CALR: variants seen among roughly 807,000 people sequenced by gnomAD.
CALR encodes the protein CRP55.
A neutral mutation model predicts 51.1 loss-of-function variants in CALR; 15 were observed. That is an observed-to-expected ratio of 0.29 (90% CI 0.20 to 0.45). The LOEUF (loss-of-function observed/expected upper bound fraction) is 0.45. CALR is among the 20% of genes least tolerant of loss of function. The probability of loss-of-function intolerance (pLI) is 1.00; values close to 1 mark genes in which losing one functional copy is unlikely to be tolerated. For synonymous variants in CALR, 239 were observed against 205.9 expected (o/e 1.16, Z -1.38); for missense variants, 477 against 530.6 (o/e 0.90, Z 0.99).
intron 5 of CALR, 25 bp downstream of exon 5, chr19:12,940,477 C>A: frequency 1.2e-6 from 2 of 1,613,380 alleles, no homozygotes; most frequent in Non-Finnish European, 1.7e-6. Context: ...AGGGGCTCTG[C>A]TCTCCACATT....
rs1971595639 is a variant in CALR, at chr19:12,944,202, C to T, written c.*289C>T. 2 of 516,040 alleles carry T rather than the reference C, an allele frequency of 3.9e-6. No individual in the cohort carries two copies. The highest frequency in any genetic ancestry group is 6.9e-6 in the Non-Finnish European group (2 of 289,054). The allele number at this position is 516,040 out of a possible 1,614,324, so 32.0% of individuals were successfully genotyped here. Reference sequence around the variant, plus strand: ...TTTTCTTGCCTCTGTCCCCTTCTCTCATCTCTTAGCTCCCCTCCAACCTGG... The same window carrying T: ...TTTTCTTGCCTCTGTCCCCTTCTCTTATCTCTTAGCTCCCCTCCAACCTGG... On this transcript the variant is annotated 3_prime_UTR_variant, in exon 9 of 9. Coordinates refer to ENST00000316448, the MANE Select transcript of CALR (RefSeq NM_004343.4).
At chr19:12,939,702 C>T (rs745599347) in intron 3 of CALR, 71 bp downstream of exon 3, 9 of 1,347,092 alleles carry the variant, frequency 6.7e-6, no homozygotes, top group East Asian at 2.3e-5. Flanking sequence ...CATTGACTTT[C>T]TTAATAATGA....
intron 7 of CALR, 34 bp from the exon 8 acceptor site, chr19:12,943,503 T>C: frequency 6.3e-7 from 1 of 1,590,318 alleles, no homozygotes; most frequent in South Asian, 1.1e-5. Context: ...CTATCGGGTA[T>C]CACCTCTGAC....
chr19:12,939,882 A>C (rs1427794704), intron 3 of CALR, among the ~76,000 whole-genome samples, 171 bp from the exon 4 acceptor site: 1 of 151,842 alleles, frequency 6.6e-6, no homozygotes, highest in Non-Finnish European at 1.5e-5. Context: ...TTCTCCTTTA[A>C]ACTTAAGGCT....
intron 7 of CALR, among the ~76,000 whole-genome samples, chr19:12,942,191 A>T (rs201584817): frequency 6.6e-6 from 1 of 151,794 alleles, no homozygotes; most frequent in Non-Finnish European, 1.5e-5. Flanking sequence ...ATGAAACCCC[A>T]TCTCTAGTAA....
Position 12,939,436 on chromosome 19 carries a change from A to G in CALR, c.202A>G (p.Thr68Ala). 6.2e-7 allele frequency: 1 copy of G among 1,612,340 alleles called. No homozygotes were observed. Among genetic ancestry groups the G allele is most frequent in the Non-Finnish European group, 8.5e-7 (1 of 1,180,014 alleles). ...CTACCGTCCCGTCTCAGGTTTGCAG[A>G]CAAGCCAGGATGCACGCTTTTATGC... is the stretch of plus-strand genomic sequence containing the variant. ...GDEEKDKGLQ[T>A]SQDARFYALS... Residue 68 changes from threonine to alanine, a missense_variant, in exon 3 of 9, where the codon ACA (threonine) becomes GCA (alanine). Thr to Ala is a moderately conservative substitution (Grantham distance 58). Transcript: ENST00000316448.
chr19:12,943,891 G>T lies in CALR; in HGVS notation c.1232G>T (p.Gly411Val). ...GAAGATGAGGAGGAAGATGTCCCCG[G>T]CCAGGCCAAGGACGAGCTGTAGAGA... ...KEEDEEEDVP[G>V]QAKDEL Residue 411 changes from glycine (G) to valine (V), a missense_variant, in exon 9 of 9, where the codon GGC becomes GTC. Gly to Val is a moderately radical substitution (Grantham distance 109). Transcript: ENST00000316448. 1 of 1,596,790 alleles carries T rather than the reference G, an allele frequency of 6.3e-7. No individual in the cohort carries two copies. Among genetic ancestry groups the T allele is most frequent in the Non-Finnish European group, 8.5e-7 (1 of 1,172,604 alleles).
At chr19:12,941,694 A>T (rs1971549633) in intron 7 of CALR, among the ~76,000 whole-genome samples, 1 of 151,210 alleles carries the variant, frequency 6.6e-6, no homozygotes. Flanking sequence ...CGTGTTAGCC[A>T]GGATGGTCTC....
At chr19:12,941,476 T>C (rs946655084) in intron 7 of CALR, among the ~76,000 whole-genome samples, 2 of 144,726 alleles carry the variant, frequency 1.4e-5, no homozygotes, top group African/African-American at 5.2e-5. Context: ...ATTTTTTTTT[T>C]TTTTTTTTTT....
At position 12,943,980 on chromosome 19, in the gene CALR, A is replaced by T. The variant is rs1415504615; in HGVS notation, c.*67A>T. 2.5e-5 allele frequency: 40 copies of T among 1,590,900 alleles called. 1 individual carries two copies. The highest frequency in any genetic ancestry group is 3.4e-5 in the Non-Finnish European group (40 of 1,169,752). ...TGCCGCAGAGCTGGCCGCGCCAAAT[A>T]ATGTCTCTGTGAGACTCGAGAACTT... is the stretch of plus-strand genomic sequence containing the variant. On this transcript the variant is annotated 3_prime_UTR_variant, in exon 9 of 9. Transcript: ENST00000316448.
chr19:12,939,381 C>T (rs990179903), intron 2 of CALR, 47 bp from the exon 3 acceptor site: 1 of 1,591,804 alleles, frequency 6.3e-7, no homozygotes, highest in Admixed American at 1.7e-5. Context: ...GTCGAGGGTC[C>T]TCGCGAGTCA....
chr19:12,939,974 C>T, intron 3 of CALR, 79 bp from the exon 4 acceptor site: 1 of 1,042,000 alleles, frequency 9.6e-7, no homozygotes, highest in Non-Finnish European at 1.5e-6. Flanking sequence ...AGAACCAGGT[C>T]TTCCTTTTAT....
chr19:12,942,927 A>AT (rs925511191), intron 7 of CALR, among the ~76,000 whole-genome samples: 3 of 150,960 alleles, frequency 2.0e-5, no homozygotes, highest in Non-Finnish European at 4.4e-5. Flanking sequence ...CCCCGGGCTA[A>AT]TTTTTTTTAG....
Position 12,943,750 on chromosome 19 carries a change from A to G in CALR, c.1091A>G (p.Glu364Gly). ...EKQMKDKQDE[E>G]QRLKEEEEDK... is the part of the protein sequence containing the mutation. ...CAAATGAAGGACAAACAGGACGAGGAGCAGAGGCTTAAGGAGGAGGAAGAA... is the reference window on the plus strand; with the variant it reads ...CAAATGAAGGACAAACAGGACGAGGGGCAGAGGCTTAAGGAGGAGGAAGAA... The change falls in exon 9 of 9, where the codon GAG (glutamate) becomes GGG (glycine). Residue 364 changes from glutamate (E) to glycine (G), a missense_variant. Glu to Gly is a moderately conservative substitution (Grantham distance 98). Transcript: ENST00000316448. 1 of 1,612,556 alleles carries G rather than the reference A, an allele frequency of 6.2e-7. No homozygotes were observed. Among genetic ancestry groups the G allele is most frequent in the Non-Finnish European group, 8.5e-7 (1 of 1,179,218 alleles).
rs200105930 is a variant in CALR at position 12,939,620 on chromosome 19, A to T, written c.386A>T (p.Asn129Ile). Residue 129 changes from asparagine to isoleucine, a missense_variant, in exon 3 of 9, where the codon AAC becomes ATC. By Grantham distance (149) the Asn-to-Ile change is moderately radical. Transcript: ENST00000316448. ...QTDMHGDSEY[N>I]IMFGPDICGP... ...GACATGCACGGAGACTCAGAATACA[A>T]CATCATGTTTGGTGAGGGCCTGCTT... The T allele has an allele frequency of 1.4e-5, 22 of 1,613,708 alleles. No individual in the cohort carries two copies. Among genetic ancestry groups the T allele is most frequent in the Non-Finnish European group, 1.9e-5 (22 of 1,179,798 alleles).
Position 12,944,222 on chromosome 19 carries a change from A to C in CALR, c.*309A>C. The C allele has an allele frequency of 2.1e-6, 1 of 478,018 alleles. No individual in the cohort carries two copies. The highest frequency in any genetic ancestry group is 3.8e-6 in the Non-Finnish European group (1 of 263,040). The allele number at this position is 478,018 out of a possible 1,614,324, so 29.6% of individuals were successfully genotyped here. On this transcript the variant is annotated 3_prime_UTR_variant, in exon 9 of 9. Transcript: ENST00000316448. Reference sequence around the variant, plus strand: ...TCTCTCATCTCTTAGCTCCCCTCCAACCTGGGGGGCAGTGGTGTGGAGAAG... The same window carrying C: ...TCTCTCATCTCTTAGCTCCCCTCCACCCTGGGGGGCAGTGGTGTGGAGAAG...
At chr19:12,938,989 C>G in intron 1 of CALR, 145 bp from the exon 2 acceptor site, 1 of 715,446 alleles carries the variant, frequency 1.4e-6, no homozygotes, top group Admixed American at 2.1e-5. Context: ...TCTGAAGGCA[C>G]CCGACGTGTC....
rs753422007 is a variant in CALR at position 12,938,688 on chromosome 19, A to T, written c.9A>T (p.Leu3=). The T allele has an allele frequency of 1.2e-6, 2 of 1,610,344 alleles. No homozygotes were observed. The highest frequency in any genetic ancestry group is 1.7e-6 in the Non-Finnish European group (2 of 1,178,856). The part of the protein sequence containing the change: ML[L]SVPLLLGLLG... ...CGCCCCCTCGGCCCGCCATGCTGCT[A>T]TCCGTGCCGCTGCTGCTCGGCCTCC... Residue 3 remains leucine (L), a synonymous_variant, in exon 1 of 9, where the codon CTA becomes CTT. Transcript: ENST00000316448.
rs755777417 is a variant in CALR at position 12,938,678 on chromosome 19, C to A, written c.-2C>A. The A allele has an allele frequency of 1.2e-6, 2 of 1,608,556 alleles. No homozygotes were observed. The highest frequency in any genetic ancestry group is 4.5e-5 in the East Asian group (2 of 44,690). On this transcript the variant is annotated 5_prime_UTR_variant, in exon 1 of 9. Transcript: ENST00000316448. ...CGCGCGTTGCCGCCCCCTCGGCCCG[C>A]CATGCTGCTATCCGTGCCGCTGCTG...
Sources: allele counts gnomAD v4.1 joint callset (sites outside exome capture counted in the v4.1 genomes callset), GRCh38; gene constraint gnomAD v4.1.1; transcripts MANE v1.5; gene names NCBI Gene and HGNC (gene_info 2026-07-23, HGNC 2026-07-21).